The following MICAL2 variants were observed in gnomAD, a reference collection of about 807,000 sequenced individuals.
The protein encoded by MICAL2 is microtubule associated monooxygenase, calponin and LIM domain containing 2, also known as [F-actin]-monooxygenase MICAL2.
Under a neutral mutation model 127.3 loss-of-function variants are expected in MICAL2, and 77 were observed. The ratio of observed to expected loss-of-function variants is 0.60; its 90% CI spans 0.50 to 0.73. The LOEUF is 0.73. Among genes scored for constraint, MICAL2 ranks in the 30% least tolerant of loss-of-function variants. The pLI, the probability that MICAL2 is intolerant of heterozygous loss-of-function variation, is 0.00. For synonymous variants in MICAL2, 570 were observed against 551.1 expected, an observed-to-expected ratio of 1.03 and a Z score of -0.48; for missense variants, 1,351 against 1,434.4, an observed-to-expected ratio of 0.94 and a Z score of 0.94.
At chr11:12,230,717 C>T (rs552066721) in intron 15 of MICAL2, among the ~76,000 whole-genome samples, 158 of 151,362 alleles carry the variant, frequency 1.0e-3, no homozygotes, top group Non-Finnish European at 1.4e-3. Context: ...TCTTCTTTCC[C>T]CCCCCATCTT....
chr11:12,319,590 G>T, intron 29 of MICAL2: 1 of 792,180 alleles, frequency 1.3e-6, no homozygotes, highest in Non-Finnish European at 2.1e-6. Flanking sequence ...GGGAGGGCAG[G>T]GAGGAAGGGA....
chr11:12,242,493 C>A, intron 19 of MICAL2, 61 bp downstream of exon 19: 1 of 1,536,348 alleles, frequency 6.5e-7, no homozygotes, highest in East Asian at 2.3e-5. Context: ...TTCTTCCCCT[C>A]CCTCCTCCTA....
intron 2 of MICAL2, among the ~76,000 whole-genome samples, chr11:12,160,703 C>T (rs1854683838): frequency 6.6e-6 from 1 of 152,172 alleles, no homozygotes; most frequent in Non-Finnish European, 1.5e-5. Flanking sequence ...CTCTGTTGGA[C>T]ACCGCCTGCT....
At chr11:12,168,679 G>A (rs1346163847) in intron 3 of MICAL2, among the ~76,000 whole-genome samples, 2 of 151,256 alleles carry the variant, frequency 1.3e-5, no homozygotes, top group Non-Finnish European at 2.9e-5. Flanking sequence ...AAAAGAAAAG[G>A]TTTCTTTGAA....
intron 3 of MICAL2, among the ~76,000 whole-genome samples, chr11:12,169,056 A>G (rs1429322838): frequency 6.6e-6 from 1 of 151,940 alleles, no homozygotes; most frequent in African/African-American, 2.4e-5. Context: ...AAAGGAAAGA[A>G]AATTTAGTGT....
At chr11:12,140,567 C>T (rs1852256989) in intron 2 of MICAL2, among the ~76,000 whole-genome samples, 1 of 151,854 alleles carries the variant, frequency 6.6e-6, no homozygotes. Context: ...AGAACACTAC[C>T]CTGTGGAATA....
chr11:12,294,248 A>G (rs1863944379), downstream of MICAL2: 1 of 1,614,072 alleles, frequency 6.2e-7, no homozygotes, highest in Admixed American at 1.7e-5. Context: ...ACTGCGGCTC[A>G]TAGCCAATGC....
At chr11:12,239,765 C>T (rs1474914939) in intron 17 of MICAL2, among the ~76,000 whole-genome samples, 180 bp downstream of exon 17, 1 of 152,204 alleles carries the variant, frequency 6.6e-6, no homozygotes, top group Non-Finnish European at 1.5e-5. Flanking sequence ...TTTTTTAGTG[C>T]TTTGGAAGCC....
chr11:12,274,830 GT>G (rs1565290331), upstream of MICAL2: 1 of 152,306 alleles, frequency 6.6e-6, no homozygotes, highest in Non-Finnish European at 1.5e-5. Context: ...GGGCCACTGG[GT>G]GATTTTAAGC....
chr11:12,294,700 C>T (rs1287714762), downstream of MICAL2: 12 of 1,614,154 alleles, frequency 7.4e-6, no homozygotes, highest in Non-Finnish European at 1.0e-5. Context: ...TCAGGGACCT[C>T]TTTGGCAGCC....
chr11:12,178,892 C>T (rs1341063599), intron 3 of MICAL2, among the ~76,000 whole-genome samples: 1 of 151,972 alleles, frequency 6.6e-6, no homozygotes, highest in African/African-American at 2.4e-5. Flanking sequence ...CTCCCACATG[C>T]AATCACACCT....
chr11:12,355,361 G>A (rs1565314361), intron 34 of MICAL2, among the ~76,000 whole-genome samples: 2 of 152,268 alleles, frequency 1.3e-5, no homozygotes, highest in South Asian at 2.1e-4. Flanking sequence ...GGCAGGGCCA[G>A]GGCATCACAC....
Position 12,209,492 on chromosome 11 carries a change from G to C in MICAL2, c.590-5G>C, listed in dbSNP as rs1010910654. ...CCAACTCATCTCATTTCTCTGTCCT[G>C]GTAGAAATTGGCTGGCGGGCAGAAT... On this transcript the variant is annotated splice_region_variant and splice_polypyrimidine_tract_variant and intron_variant, in intron 5 of 27. Coordinates refer to ENST00000683283, the MANE Select transcript of MICAL2 (RefSeq NM_001282663.2). The C allele has an allele frequency of 5.0e-6, 8 of 1,607,892 alleles. No homozygotes were observed. In the African/African-American group the frequency reaches 9.4e-5, roughly 19 times the overall value.
At chr11:12,309,876 T>C (rs1864151617) in intron 29 of MICAL2, among the ~76,000 whole-genome samples, 1 of 152,164 alleles carries the variant, frequency 6.6e-6, no homozygotes, top group Non-Finnish European at 1.5e-5. Flanking sequence ...CCATTCTAAC[T>C]GGGGTGAGAT....
intron 32 of MICAL2, among the ~76,000 whole-genome samples, chr11:12,345,861 A>T (rs977996701): frequency 6.6e-6 from 1 of 152,182 alleles, no homozygotes; most frequent in Non-Finnish European, 1.5e-5. Flanking sequence ...TCTCTTTAAG[A>T]TATATCTTGG....
intron 16 of MICAL2, 112 bp downstream of exon 16, chr11:12,236,357 C>A: frequency 1.1e-6 from 1 of 919,552 alleles, no homozygotes; most frequent in South Asian, 1.4e-5. Context: ...CTCTCATGAA[C>A]CACTGGGTTC....
At chr11:12,321,052 C>T (rs1262185326) in intron 30 of MICAL2, among the ~76,000 whole-genome samples, 4 of 152,130 alleles carry the variant, frequency 2.6e-5, no homozygotes, top group Admixed American at 1.3e-4. Context: ...GCCATCTTGA[C>T]ACTCATGGAG....
intron 3 of MICAL2, among the ~76,000 whole-genome samples, chr11:12,200,200 A>G (rs1190084143): frequency 1.3e-5 from 2 of 152,094 alleles, no homozygotes; most frequent in Non-Finnish European, 2.9e-5. Context: ...GGAAAATATG[A>G]CCCGCAGAGC....
At position 12,137,541 on chromosome 11, in the gene MICAL2, A is replaced by G. The variant is rs561901956; in HGVS notation, c.-148-849A>G. 2.0e-5 allele frequency among the ~76,000 whole-genome samples: 3 copies of G among 152,276 alleles called. No individual in the cohort carries two copies. The South Asian group carries it at 6.2e-4, about 32-fold the overall frequency. Reference sequence around the variant, plus strand: ...AACGGGCTGAGAATTCTGAACAGTGAGTCCCATCTCCCAGCACTCTAACAA... The same window carrying G: ...AACGGGCTGAGAATTCTGAACAGTGGGTCCCATCTCCCAGCACTCTAACAA... On this transcript the variant is annotated intron_variant, in intron 1 of 27. Coordinates refer to ENST00000683283, the MANE Select transcript of MICAL2 (RefSeq NM_001282663.2).
Sources: allele counts gnomAD v4.1 joint callset (sites outside exome capture counted in the v4.1 genomes callset), GRCh38; gene constraint gnomAD v4.1.1; transcripts MANE v1.5; gene names NCBI Gene and HGNC (gene_info 2026-07-23, HGNC 2026-07-21).